TNRC6B: variants seen among roughly 807,000 people sequenced by gnomAD.
The protein encoded by TNRC6B is trinucleotide repeat containing adaptor 6B.
TNRC6B carries 52 observed loss-of-function variants against 203.6 expected under a neutral mutation model. The ratio of observed to expected loss-of-function variants is 0.26; its 90% confidence interval spans 0.20 to 0.32. The LOEUF is 0.32. Ranked by LOEUF, TNRC6B falls within the 10% of genes least tolerant of loss-of-function variation. TNRC6B has a pLI of 1.00. For synonymous variants in TNRC6B, 838 were observed against 845.7 expected (o/e 0.99, Z 0.16); for missense variants, 1,923 against 2,286.2 (o/e 0.84, Z 3.24).
At chr22:40,087,119 G>A (rs2068107402) in intron 1 of TNRC6B, among the ~76,000 whole-genome samples, 1 of 152,082 alleles carries the variant, frequency 6.6e-6, no homozygotes, top group African/African-American at 2.4e-5. Context: ...GCTTAGTTTT[G>A]TGTTTGGTGT....
chr22:40,100,875 T>C (rs1452190980), intron 1 of TNRC6B, among the ~76,000 whole-genome samples: 1 of 152,172 alleles, frequency 6.6e-6, no homozygotes, highest in Non-Finnish European at 1.5e-5. Flanking sequence ...AGAGATAGGT[T>C]TGGAGAAGAG....
At chr22:40,048,827 CTTCT>C (rs1425485608) in intron 1 of TNRC6B, among the ~76,000 whole-genome samples, 1 of 151,878 alleles carries the variant, frequency 6.6e-6, no homozygotes, top group Non-Finnish European at 1.5e-5. Flanking sequence ...TCCTTCCTTC[CTTCT>C]ATCCATCCAT....
chr22:40,091,517 A>G (rs141118428), intron 1 of TNRC6B, among the ~76,000 whole-genome samples: 2 of 152,278 alleles, frequency 1.3e-5, no homozygotes, highest in East Asian at 1.9e-4. Context: ...TTTACGAGAC[A>G]GTTGGAAGTT....
chr22:40,229,938 T>C (rs1401059627), intron 1 of TNRC6B, among the ~76,000 whole-genome samples: 2 of 152,238 alleles, frequency 1.3e-5, no homozygotes, highest in Non-Finnish European at 2.9e-5. Flanking sequence ...CAAGTCTTTG[T>C]TGGACATACG....
chr22:40,152,462 G>C (rs2068767062), intron 3 of TNRC6B, among the ~76,000 whole-genome samples: 1 of 152,176 alleles, frequency 6.6e-6, no homozygotes, highest in South Asian at 2.1e-4. Context: ...GCGTAGCTTG[G>C]ACTACAGGTG....
Position 40,262,085 on chromosome 22 carries a change from G to T in TNRC6B, c.369G>T (p.Gly123=), listed in dbSNP as rs758335303. 6.4e-7 allele frequency: 1 copy of T among 1,570,966 alleles called. No homozygotes were observed. The highest frequency in any genetic ancestry group is 8.7e-7 in the Non-Finnish European group (1 of 1,149,372). ...GCATGCTCCTTGGGGGTGGGGCAGG[G>T]CCTCCTCCCTGCACAGCACCTGGAG... ...PSCMLLGGGA[G]PPPCTAPGAN... Residue 123 remains glycine, a synonymous_variant, in exon 4 of 23, where the codon GGG becomes GGT. Transcript: ENST00000454349.
chr22:40,272,155 C>T (rs1415180261), intron 6 of TNRC6B, among the ~76,000 whole-genome samples: 3 of 152,008 alleles, frequency 2.0e-5, no homozygotes, highest in Admixed American at 2.0e-4. Flanking sequence ...ATATATAATC[C>T]TATATACAGA....
chr22:40,163,792 A>G (rs1370862013), intron 4 of TNRC6B, among the ~76,000 whole-genome samples: 2 of 151,926 alleles, frequency 1.3e-5, no homozygotes, highest in African/African-American at 2.4e-5. Context: ...GAAAAGGGTA[A>G]CTTTAATAGA....
chr22:40,052,067 C>G (rs1378558729), intron 1 of TNRC6B, among the ~76,000 whole-genome samples: 1 of 152,190 alleles, frequency 6.6e-6, no homozygotes, highest in African/African-American at 2.4e-5. Flanking sequence ...CTGGGTACTT[C>G]CAGCCACTGG....
intron 1 of TNRC6B, among the ~76,000 whole-genome samples, chr22:40,072,738 C>G (rs565364618): frequency 8.6e-5 from 13 of 151,948 alleles, no homozygotes; most frequent in Admixed American, 3.3e-4. Flanking sequence ...GTGGCACGTG[C>G]CTGAAATCCC....
intron 1 of TNRC6B, among the ~76,000 whole-genome samples, chr22:40,179,079 G>A (rs1053201485): frequency 3.3e-5 from 5 of 152,288 alleles, no homozygotes; most frequent in African/African-American, 7.2e-5. Context: ...TATCCACTGC[G>A]AAGTGGTCAT....
chr22:40,298,470 T>C (rs1025660486), intron 12 of TNRC6B, among the ~76,000 whole-genome samples: 1 of 152,220 alleles, frequency 6.6e-6, no homozygotes, highest in Admixed American at 6.5e-5. Flanking sequence ...AAGGGAACTG[T>C]AATCATTGTC....
At chr22:40,164,686 TG>T (rs1471870563) in intron 4 of TNRC6B, among the ~76,000 whole-genome samples, 16 of 140,346 alleles carry the variant, frequency 1.1e-4, no homozygotes, top group African/African-American at 4.0e-4. Context: ...CGCTTGAACC[TG>T]GGAGGCAGAG....
intron 1 of TNRC6B, among the ~76,000 whole-genome samples, chr22:40,192,002 T>TA (rs2146394758): frequency 6.6e-6 from 1 of 152,284 alleles, no homozygotes; most frequent in East Asian, 1.9e-4. Flanking sequence ...CCACCTGCCT[T>TA]ACAGACGTGA....
At chr22:40,054,357 C>T (rs914169984) in intron 1 of TNRC6B, among the ~76,000 whole-genome samples, 1 of 152,170 alleles carries the variant, frequency 6.6e-6, no homozygotes, top group African/African-American at 2.4e-5. Flanking sequence ...GCTGAGTGTA[C>T]TCTCACCATA....
chr22:40,062,513 A>G (rs1233359725), intron 1 of TNRC6B, among the ~76,000 whole-genome samples: 2 of 152,074 alleles, frequency 1.3e-5, no homozygotes, highest in African/African-American at 4.8e-5. Context: ...CTGGCCATAT[A>G]TTATTATTTT....
chr22:40,319,890 C>T (rs2071312880), intron 21 of TNRC6B, among the ~76,000 whole-genome samples: 1 of 152,198 alleles, frequency 6.6e-6, no homozygotes, highest in Non-Finnish European at 1.5e-5. Flanking sequence ...AAGGGGACTA[C>T]TTTATCTGGA....
chr22:40,116,204 G>T (rs1321634395), intron 1 of TNRC6B, among the ~76,000 whole-genome samples: 1 of 152,134 alleles, frequency 6.6e-6, no homozygotes, highest in Non-Finnish European at 1.5e-5. Flanking sequence ...AAACTAAGGG[G>T]CCAACTTCCA....
chr22:40,238,281 G>GC (rs1033559547), intron 1 of TNRC6B, among the ~76,000 whole-genome samples: 12 of 152,210 alleles, frequency 7.9e-5, no homozygotes, highest in East Asian at 1.9e-4. Context: ...CAGCAGGCCA[G>GC]CCCCCCGATA....
Sources: gnomAD v4.1 joint callset for allele counts (sites outside exome capture counted in the v4.1 genomes callset) on GRCh38, gnomAD v4.1.1 for gene constraint, MANE v1.5 for transcripts, NCBI Gene and HGNC (gene_info 2026-07-23, HGNC 2026-07-21) for gene names.